The following BLTP1 variants were observed in gnomAD, a reference collection of about 807,000 sequenced individuals.
BLTP1 encodes bridge-like lipid transfer protein family member 1, also known as fragile site-associated protein.
At chr4:122,192,286 G>A in the BLTP1 span, 2 of 1,613,618 alleles carry the variant, frequency 1.2e-6, no homozygotes, top group Non-Finnish European at 1.7e-6. Context: ...AGTGAGGATT[G>A]CAAATTACAA....
chr4:122,254,756 A>G, the BLTP1 span: 1 of 1,445,256 alleles, frequency 6.9e-7, no homozygotes, highest in Non-Finnish European at 9.1e-7. Flanking sequence ...ATTGTTTGGA[A>G]TACAAATTTT....
the BLTP1 span, among the ~76,000 whole-genome samples, chr4:122,361,340 T>TG: frequency 7.7e-3 from 1,174 of 152,086 alleles, 8 homozygotes; most frequent in Non-Finnish European, 0.013. Flanking sequence ...AAGGGCGGGA[T>TG]GGGGGTTGCT....
the BLTP1 span, among the ~76,000 whole-genome samples, chr4:122,282,860 A>G: frequency 6.6e-6 from 1 of 152,146 alleles, no homozygotes; most frequent in East Asian, 1.9e-4. Flanking sequence ...GAGTTTATAT[A>G]TATAAAATGC....
the BLTP1 span, among the ~76,000 whole-genome samples, chr4:122,319,060 T>C: frequency 6.6e-6 from 1 of 152,204 alleles, no homozygotes; most frequent in South Asian, 2.1e-4. Flanking sequence ...AGCCATAGGG[T>C]CTGTTGTTGT....
the BLTP1 span, among the ~76,000 whole-genome samples, chr4:122,155,715 GAA>G: frequency 3.9e-5 from 6 of 152,160 alleles, no homozygotes; most frequent in African/African-American, 1.2e-4. Flanking sequence ...TTTAATTTGA[GAA>G]AATTTTGAGG....
the BLTP1 span, chr4:122,192,324 A>G: frequency 1.6e-5 from 26 of 1,613,584 alleles, no homozygotes; most frequent in Non-Finnish European, 2.2e-5. Flanking sequence ...GGGACTGGAT[A>G]TAGTTTGTGG....
At chr4:122,174,407 T>C in the BLTP1 span, 7 of 956,218 alleles carry the variant, frequency 7.3e-6, no homozygotes, top group Non-Finnish European at 7.5e-6. Flanking sequence ...TTTTGTTTTA[T>C]TGGGGAAAGA....
At chr4:122,200,304 G>T in the BLTP1 span, 1 of 983,340 alleles carries the variant, frequency 1.0e-6, no homozygotes, top group Admixed American at 6.2e-5. Flanking sequence ...TGCGCAGGAT[G>T]TGGTGACTCA....
the BLTP1 span, chr4:122,188,041 AGTCATGCTTGTTCCTAGTCC>A: frequency 6.3e-7 from 1 of 1,578,280 alleles, no homozygotes; most frequent in East Asian, 2.3e-5. Flanking sequence ...AAAATGTTCG[AGTCATGCTTGTTCCTAGTCC>A]AAGATATGTT....
the BLTP1 span, among the ~76,000 whole-genome samples, chr4:122,260,938 G>A: frequency 6.6e-6 from 1 of 152,054 alleles, no homozygotes; most frequent in Non-Finnish European, 1.5e-5. Context: ...GAAGTACACT[G>A]ATAAAGTATA....
chr4:122,254,587 C>T, the BLTP1 span: 1 of 918,496 alleles, frequency 1.1e-6, no homozygotes. Context: ...CTTTTGTTTA[C>T]TCTTTTTATC....
chr4:122,356,330 T>C, the BLTP1 span, among the ~76,000 whole-genome samples: 3 of 152,282 alleles, frequency 2.0e-5, no homozygotes, highest in African/African-American at 7.2e-5. Context: ...GAAATGCTCA[T>C]TGGAGGATTT....
chr4:122,354,787 C>A, the BLTP1 span, among the ~76,000 whole-genome samples: 1 of 151,822 alleles, frequency 6.6e-6, no homozygotes, highest in Non-Finnish European at 1.5e-5. Context: ...CTGCCTCAGC[C>A]TCCTGAGTAG....
At chr4:122,359,533 T>C in the BLTP1 span, 2 of 1,602,452 alleles carry the variant, frequency 1.2e-6, no homozygotes, top group Non-Finnish European at 8.5e-7. Flanking sequence ...AAATGTATCA[T>C]ACTAATCTAA....
At chr4:122,259,507 T>C in the BLTP1 span, among the ~76,000 whole-genome samples, 2 of 152,198 alleles carry the variant, frequency 1.3e-5, no homozygotes, top group Admixed American at 6.5e-5. Context: ...TGCTAGTTAT[T>C]GTTGTTGGTG....
At chr4:122,186,313 C>T in the BLTP1 span, 1 of 848,254 alleles carries the variant, frequency 1.2e-6, no homozygotes, top group Non-Finnish European at 1.6e-6. Flanking sequence ...CTAAACAGAG[C>T]CTAATATTTC....
chr4:122,192,868 G>A, the BLTP1 span, among the ~76,000 whole-genome samples: 1 of 152,142 alleles, frequency 6.6e-6, no homozygotes, highest in Non-Finnish European at 1.5e-5. Context: ...GTTTGCTAGG[G>A]CTGCCTTAAT....
the BLTP1 span, chr4:122,222,059 G>A: frequency 4.5e-6 from 1 of 224,048 alleles, no homozygotes; most frequent in African/African-American, 2.3e-5. Flanking sequence ...TCATGGAGTA[G>A]AGATACCAAG....
chr4:122,247,560 G>T, the BLTP1 span: 76 of 1,076,100 alleles, frequency 7.1e-5, no homozygotes, highest in Non-Finnish European at 9.0e-5. Flanking sequence ...ATAAACTTTG[G>T]TAAGAAAATT....
Sources: gnomAD v4.1 joint callset for allele counts (sites outside exome capture counted in the v4.1 genomes callset) on GRCh38, gnomAD v4.1.1 for gene constraint, MANE v1.5 for transcripts, NCBI Gene and HGNC (gene_info 2026-07-23, HGNC 2026-07-21) for gene names.